BAZ1B: variants seen among roughly 807,000 people sequenced by gnomAD.
BAZ1B encodes tyrosine-protein kinase BAZ1B.
A neutral mutation model predicts 153.8 loss-of-function variants in BAZ1B; 22 were observed. The ratio of observed to expected loss-of-function variants is 0.14; its 90% CI spans 0.10 to 0.20. BAZ1B has a LOEUF of 0.20. Ranked by LOEUF, BAZ1B falls within the 10% of genes least tolerant of loss-of-function variation. The pLI is 1.00. For synonymous variants in BAZ1B, 676 were observed against 633.4 expected (o/e 1.07, Z -1.01); for missense variants, 1,325 against 1,799.3 (o/e 0.74, Z 4.77).
rs1554571705 is a variant in BAZ1B, at chr7:73,469,594, T to C, written c.2789A>G (p.His930Arg). The change falls in exon 9 of 20, where the codon CAT becomes CGT. Residue 930 changes from histidine (H) to arginine (R), a missense_variant. This residue lies in a region of BAZ1B where 431 missense variants were observed against 563.5 expected (regional missense o/e 0.76). Coordinates refer to ENST00000339594, the MANE Select transcript of BAZ1B (RefSeq NM_032408.4). ...PGLFIEKGWV[H>R]DSIDYRFNHH... Reference sequence around the variant, plus strand: ...GTTGAATCGGTAGTCAATGCTGTCATGTACCCAGCCTTTTTCAATGAATAA... The same window carrying C: ...GTTGAATCGGTAGTCAATGCTGTCACGTACCCAGCCTTTTTCAATGAATAA... 11 of 1,614,078 alleles carry C rather than the reference T, an allele frequency of 6.8e-6. No individual in the cohort carries two copies. The highest frequency in any genetic ancestry group is 3.3e-4 in the Middle Eastern group (2 of 6,084).
chr7:73,474,057 G>A (rs1788910922), intron 7 of BAZ1B, among the ~76,000 whole-genome samples: 1 of 152,170 alleles, frequency 6.6e-6, no homozygotes, highest in Non-Finnish European at 1.5e-5. Flanking sequence ...AAGTTATCAA[G>A]ACAGTGTGGC....
In BAZ1B at chr7:73,465,481, T is replaced by A; in HGVS notation, c.3029A>T (p.Gln1010Leu). 1 of 1,610,956 alleles carries A rather than the reference T, an allele frequency of 6.2e-7. No homozygotes were observed. Among genetic ancestry groups the A allele is most frequent in the East Asian group, 2.2e-5 (1 of 44,774 alleles). Residue 1010 changes from glutamine to leucine, a missense_variant, in exon 11 of 20, where the codon CAG (glutamine) becomes CTG (leucine). This residue lies in a region of BAZ1B where 431 missense variants were observed against 563.5 expected (regional missense o/e 0.76). Transcript: ENST00000339594. ...TTTAAGTTGACTTTCTCTTATTCCC[T>A]GAGGGTGAAGACAGTTTAGCAACTC... Reference protein sequence around the residue: ...LDELLNCLHPQGIRESQLKER... With the variant: ...LDELLNCLHPLGIRESQLKER...
intron 9 of BAZ1B, 110 bp from the exon 10 acceptor site, chr7:73,466,511 T>G: frequency 1.5e-6 from 1 of 656,350 alleles, no homozygotes; most frequent in East Asian, 2.6e-5. Flanking sequence ...CACAGATACT[T>G]CCTGTGAAAT....
intron 5 of BAZ1B, among the ~76,000 whole-genome samples, chr7:73,491,203 T>C (rs1789627521): frequency 1.3e-5 from 2 of 151,954 alleles, no homozygotes. Flanking sequence ...GGAGAATCGC[T>C]TGAATCCGAG....
chr7:73,516,524 T>C (rs1400199047), intron 1 of BAZ1B, among the ~76,000 whole-genome samples: 1 of 151,362 alleles, frequency 6.6e-6, no homozygotes, highest in African/African-American at 2.4e-5. Flanking sequence ...GTGGCTCACG[T>C]CTGTAATCCC....
intron 14 of BAZ1B, among the ~76,000 whole-genome samples, chr7:73,449,967 C>T (rs1554567834): frequency 6.6e-6 from 1 of 152,176 alleles, no homozygotes; most frequent in Non-Finnish European, 1.5e-5. Context: ...GCACAAAAAA[C>T]CCAAGTGAGA....
intron 6 of BAZ1B, among the ~76,000 whole-genome samples, chr7:73,481,543 A>G (rs1789201651): frequency 6.6e-6 from 1 of 151,362 alleles, no homozygotes; most frequent in Non-Finnish European, 1.5e-5. Context: ...AGATTTAAAC[A>G]TTAAAGATAC....
chr7:73,505,788 TG>T (rs1397853385), intron 3 of BAZ1B, among the ~76,000 whole-genome samples: 1 of 152,162 alleles, frequency 6.6e-6, no homozygotes, highest in African/African-American at 2.4e-5. Flanking sequence ...TGACCTCAGG[TG>T]ATCTGCCCAC....
Position 73,470,394 on chromosome 7 carries a change from T to C in BAZ1B, c.2683A>G (p.Lys895Glu), listed in dbSNP as rs1554571824. Residue 895 changes from lysine (K) to glutamate (E), a missense_variant, in exon 8 of 20, where the codon AAA (lysine) becomes GAA (glutamate). Lys to Glu is a moderately conservative substitution (Grantham distance 56, BLOSUM62 1). This residue lies in a region of BAZ1B where 431 missense variants were observed against 563.5 expected (regional missense o/e 0.76). Transcript: ENST00000339594. ...ATAGGAGTCCTGCGCATGACTAGTT[T>C]GGCCTTGGCAATCCCTTCCTGGAAA... ...KAFQEGIAKA[K>E]LVMRRTPIGT... The C allele has an allele frequency of 6.2e-7, 1 of 1,614,186 alleles. No individual in the cohort carries two copies. The highest frequency in any genetic ancestry group is 8.5e-7 in the Non-Finnish European group (1 of 1,180,024).
intron 14 of BAZ1B, 30 bp from the exon 15 acceptor site, chr7:73,449,719 T>G: frequency 6.2e-7 from 1 of 1,610,814 alleles, no homozygotes; most frequent in Non-Finnish European, 8.5e-7. Flanking sequence ...AATAGCATTG[T>G]TGGGAGCACA....
At chr7:73,446,121 G>C (rs577196275) in intron 16 of BAZ1B, among the ~76,000 whole-genome samples, 18 of 152,320 alleles carry the variant, frequency 1.2e-4, no homozygotes, top group Middle Eastern at 3.4e-3. Context: ...CAAATCATTA[G>C]GTTTTGGCAG....
intron 3 of BAZ1B, among the ~76,000 whole-genome samples, chr7:73,505,140 T>C (rs1790284313): frequency 6.6e-6 from 1 of 152,220 alleles, no homozygotes; most frequent in Non-Finnish European, 1.5e-5. Context: ...TGGGTGGTTA[T>C]GTAAGCCAAG....
chr7:73,451,006 C>A lies in BAZ1B; in HGVS notation c.3433-12G>T, dbSNP rs782726863. The A allele has an allele frequency of 3.9e-5, 63 of 1,613,434 alleles. 1 individual carries two copies. The highest frequency in any genetic ancestry group is 3.8e-5 in the Non-Finnish European group (45 of 1,179,608). Reference sequence around the variant, plus strand: ...AGTGCAGATGCAACCTAAACAGAGACCAAACCAGGCCAGCATTACTACACT... The same window carrying A: ...AGTGCAGATGCAACCTAAACAGAGAACAAACCAGGCCAGCATTACTACACT... On this transcript the variant is annotated splice_polypyrimidine_tract_variant and intron_variant, in intron 13 of 19. Coordinates refer to ENST00000339594, the MANE Select transcript of BAZ1B (RefSeq NM_032408.4).
At chr7:73,458,910 A>T (rs1554569917) in intron 13 of BAZ1B, among the ~76,000 whole-genome samples, 3 of 152,070 alleles carry the variant, frequency 2.0e-5, no homozygotes. Context: ...AAATAAACAA[A>T]TTGTTAATGT....
chr7:73,482,358 C>A (rs952067597), intron 6 of BAZ1B, among the ~76,000 whole-genome samples: 4 of 152,192 alleles, frequency 2.6e-5, no homozygotes, highest in Admixed American at 1.3e-4. Flanking sequence ...CATTACTACC[C>A]TGGCAGGAAA....
In BAZ1B at chr7:73,510,807, C is replaced by G; in HGVS notation, c.153G>C (p.Thr51=). The G allele has an allele frequency of 6.2e-7, 1 of 1,614,146 alleles. No homozygotes were observed. Among genetic ancestry groups the G allele is most frequent in the South Asian group, 1.1e-5 (1 of 91,084 alleles). The change falls in exon 2 of 20, where the codon ACG becomes ACC. Residue 51 remains threonine (T), a synonymous_variant. Transcript: ENST00000339594. ...GCTGACTGCTTCCAGTACTCTTGCA[C>G]GTCCAAATGCGCTCACTGTACCTTT... ...RLERYSERIW[T]CKSTGSSQLT...
intron 12 of BAZ1B, chr7:73,462,706 T>C (rs1355365869): frequency 1.8e-6 from 1 of 555,806 alleles, no homozygotes; most frequent in Admixed American, 3.2e-5. Context: ...ACCAAGGTTG[T>C]AAGCCAATTA....
At chr7:73,510,394 A>G (rs868968743) in intron 2 of BAZ1B, among the ~76,000 whole-genome samples, 2 of 152,184 alleles carry the variant, frequency 1.3e-5, no homozygotes, top group Non-Finnish European at 2.9e-5. Flanking sequence ...GTGCCACTGC[A>G]CTCCAGCCTG....
intron 19 of BAZ1B, 23 bp downstream of exon 19, chr7:73,442,158 T>G: frequency 2.2e-6 from 1 of 456,506 alleles, no homozygotes; most frequent in Non-Finnish European, 4.2e-6. Context: ...TCCCTAGCTG[T>G]CCCCCCACCT....
Sources: gnomAD v4.1 joint callset for allele counts (sites outside exome capture counted in the v4.1 genomes callset) on GRCh38, gnomAD v4.1.1 for gene constraint, gnomAD v4.1.1 regional missense constraint, MANE v1.5 for transcripts, NCBI Gene and HGNC (gene_info 2026-07-23, HGNC 2026-07-21) for gene names.